DDHD2: variants seen among roughly 807,000 people sequenced by gnomAD.
DDHD2 encodes the protein triacylglycerol hydrolase DDHD2.
Under a neutral mutation model 91.2 loss-of-function variants are expected in DDHD2, and 62 were observed. That is an observed-to-expected ratio of 0.68 (90% confidence interval 0.55 to 0.84). The LOEUF (loss-of-function observed/expected upper bound fraction) is 0.84. DDHD2 is among the 40% of genes least tolerant of loss of function. The pLI is 0.00. For synonymous variants in DDHD2, 271 were observed against 293.9 expected (o/e 0.92, Z 0.80); for missense variants, 740 against 846.9 (o/e 0.87, Z 1.57).
In DDHD2 at chr8:38,234,399, G is replaced by T. The variant is rs141644282; in HGVS notation, c.226G>T (p.Gly76Cys). ...CCCTTTTCAATCCTTGAAAGGAAAA[G>T]GTTGTAATGGGAGAGTTGTTCCTAC... The part of the protein sequence containing the change: ...QLEEAYSSGK[G>C]CNGRVVPTDG... Residue 76 changes from glycine to cysteine, a missense_variant, in exon 3 of 18, where the codon GGT becomes TGT. Gly to Cys is a radical substitution (Grantham distance 159). Coordinates refer to ENST00000397166, the MANE Select transcript of DDHD2 (RefSeq NM_015214.3). 1,317 of 1,572,976 alleles carry T rather than the reference G, an allele frequency of 8.4e-4. 4 individuals are homozygous for T. In the African/African-American group the frequency reaches 9.1e-3, roughly 11 times the overall value.
At chr8:38,268,672 G>A (rs1476077001) in intron 1 of DDHD2, 2 of 1,431,700 alleles carry the variant, frequency 1.4e-6, no homozygotes, top group Non-Finnish European at 9.1e-7. Context: ...AGAGCGCCCG[G>A]GAAAACGTTG....
intron 3 of DDHD2, among the ~76,000 whole-genome samples, chr8:38,234,877 C>T (rs1804587803): frequency 6.6e-6 from 1 of 151,798 alleles, no homozygotes; most frequent in Non-Finnish European, 1.5e-5. Flanking sequence ...AAGTGATTCT[C>T]ATGCCTCAGC....
At chr8:38,238,499 C>T in intron 5 of DDHD2, 1 of 1,115,180 alleles carries the variant, frequency 9.0e-7, no homozygotes, top group Non-Finnish European at 1.1e-6. Flanking sequence ...GTGATTCCAC[C>T]TACTTGACTA....
chr8:38,255,130 G>C (rs1286109982), intron 16 of DDHD2, among the ~76,000 whole-genome samples: 6 of 151,156 alleles, frequency 4.0e-5, no homozygotes, highest in African/African-American at 1.5e-4. Flanking sequence ...GGGAGGCAGA[G>C]GTTGCAGTGA....
At chr8:38,259,889 C>A in intron 16 of DDHD2, 151 bp from the exon 17 acceptor site, 2 of 596,414 alleles carry the variant, frequency 3.4e-6, no homozygotes, top group Middle Eastern at 7.5e-4. Context: ...TTCCAAACCA[C>A]TGCCAATTAC....
chr8:38,242,544 G>C (rs1460151210), intron 7 of DDHD2, among the ~76,000 whole-genome samples, 159 bp downstream of exon 7: 1 of 152,174 alleles, frequency 6.6e-6, no homozygotes, highest in South Asian at 2.1e-4. Flanking sequence ...AATTAGCCCT[G>C]GTTAGGAGTG....
chr8:38,248,837 T>G (rs182928359), intron 10 of DDHD2, among the ~76,000 whole-genome samples: 2,446 of 148,756 alleles, frequency 0.016, 30 homozygotes, highest in Non-Finnish European at 0.026. Flanking sequence ...CCCAGCTACT[T>G]GGGAGGCTGA....
chr8:38,267,930 A>ACGCCATT, intron 1 of DDHD2: 1 of 1,613,996 alleles, frequency 6.2e-7, no homozygotes, highest in Non-Finnish European at 8.5e-7. Context: ...GTTGGTAAAG[A>ACGCCATT]CGCCATTCAG....
At chr8:38,238,404 T>C (rs1029015380) in intron 5 of DDHD2, 195 bp downstream of exon 5, 4 of 1,332,596 alleles carry the variant, frequency 3.0e-6, no homozygotes, top group Non-Finnish European at 3.9e-6. Context: ...TTTTAAAACA[T>C]ATGGTAGGAT....
chr8:38,238,566 T>G lies in DDHD2; in HGVS notation c.622+357T>G, dbSNP rs866379879. ...TTGAAGATTTTCAACTAAGGAAAAC[T>G]GTTTTTCAGCAGGACCTGATTATGC... On this transcript the variant is annotated intron_variant, in intron 5 of 17. Transcript: ENST00000397166. 8.6e-6 allele frequency: 9 copies of G among 1,041,576 alleles called. No homozygotes were observed. The South Asian group carries it at 1.3e-4, about 15-fold the overall frequency. The allele number at this position is 1,041,576 out of a possible 1,614,324, so 64.5% of individuals were successfully genotyped here. A position where few individuals can be genotyped will look rare whatever the true frequency, so the allele number is the denominator to read the frequency against.
At chr8:38,237,307 C>T (rs1220800912) in intron 3 of DDHD2, among the ~76,000 whole-genome samples, 8 of 151,892 alleles carry the variant, frequency 5.3e-5, no homozygotes, top group South Asian at 4.2e-4. Context: ...ACCTGGGGGG[C>T]GGAGGTTGCA....
rs1807095048 is a variant in DDHD2 at position 38,262,279 on chromosome 8, A to G, written c.*1706A>G. 1 of 152,162 alleles carries G rather than the reference A, an allele frequency of 6.6e-6. No individual in the cohort carries two copies. The allele number at this position is 152,162 out of a possible 1,614,324, so 9.4% of individuals were successfully genotyped here. A position where few individuals can be genotyped will look rare whatever the true frequency, so the allele number is the denominator to read the frequency against. ...CTTCAAATTTATGTTTACTCTTCCT[A>G]TTGGCAGAATAGGTGCTATTTAAGA... On this transcript the variant is annotated 3_prime_UTR_variant, in exon 18 of 18. Transcript: ENST00000397166.
At chr8:38,269,646 T>G (rs1808360860) in intron 1 of DDHD2, 2 of 174,830 alleles carry the variant, frequency 1.1e-5, no homozygotes, top group South Asian at 3.6e-4. Flanking sequence ...CAGGATGGCC[T>G]CCTGCCCAGA....
At chr8:38,236,247 C>T (rs1804736045) in intron 3 of DDHD2, among the ~76,000 whole-genome samples, 4 of 150,732 alleles carry the variant, frequency 2.7e-5, no homozygotes. Context: ...CTCCTGACCT[C>T]GTGATCCGCC....
intron 16 of DDHD2, among the ~76,000 whole-genome samples, chr8:38,254,899 T>C (rs1389673112): frequency 6.8e-6 from 1 of 147,610 alleles, no homozygotes; most frequent in African/African-American, 2.5e-5. Flanking sequence ...AAAAAAATAG[T>C]ATAAAATAAT....
At chr8:38,238,509 A>G (rs1184390598) in intron 5 of DDHD2, 2 of 1,109,108 alleles carry the variant, frequency 1.8e-6, no homozygotes, top group African/African-American at 3.4e-5. Flanking sequence ...CTACTTGACT[A>G]GAAATTTATA....
At chr8:38,273,472 C>G (rs914859527), downstream of DDHD2, 1 of 152,196 alleles carries the variant, frequency 6.6e-6, no homozygotes, top group African/African-American at 2.4e-5. Flanking sequence ...TGTACCCTGG[C>G]TTACCATAGA....
At chr8:38,252,486 C>T (rs1806187406) in intron 13 of DDHD2, among the ~76,000 whole-genome samples, 199 bp downstream of exon 13, 1 of 151,758 alleles carries the variant, frequency 6.6e-6, no homozygotes, top group South Asian at 2.1e-4. Flanking sequence ...GTTTAAGATA[C>T]ATAGTTCTGG....
At chr8:38,257,247 T>TG (rs1563315921) in intron 16 of DDHD2, among the ~76,000 whole-genome samples, 2 of 135,476 alleles carry the variant, frequency 1.5e-5, no homozygotes, top group Non-Finnish European at 3.2e-5. Flanking sequence ...AGTTTTTTTT[T>TG]TTTTTTTTTT....
Sources: allele counts gnomAD v4.1 joint callset (sites outside exome capture counted in the v4.1 genomes callset), GRCh38; gene constraint gnomAD v4.1.1; transcripts MANE v1.5; gene names NCBI Gene and HGNC (gene_info 2026-07-23, HGNC 2026-07-21).